Variants in PLAT observed in about 807,000 individuals in gnomAD.
PLAT encodes tissue-type plasminogen activator.
PLAT carries 48 observed loss-of-function variants against 74.9 expected under a neutral mutation model. The ratio of observed to expected loss-of-function variants is 0.64; its 90% CI spans 0.51 to 0.82. The LOEUF is 0.82. Ranked by LOEUF, PLAT falls within the 40% of genes least tolerant of loss-of-function variation. PLAT has a pLI of 0.00. For synonymous variants in PLAT, 307 were observed against 294.4 expected (o/e 1.04, Z -0.44); for missense variants, 673 against 736.2 (o/e 0.91, Z 0.99).
chr8:42,188,790 T>C, intron 4 of PLAT, 144 bp downstream of exon 4: 2 of 688,528 alleles, frequency 2.9e-6, no homozygotes, highest in Non-Finnish European at 5.0e-6. Flanking sequence ...GTCTGGCTAA[T>C]TTTTTTATTT....
At chr8:42,204,274 G>A (rs1437592423) in intron 1 of PLAT, among the ~76,000 whole-genome samples, 1 of 151,916 alleles carries the variant, frequency 6.6e-6, no homozygotes, top group Non-Finnish European at 1.5e-5. Flanking sequence ...TGACACTATA[G>A]ACAGACATTT....
intron 13 of PLAT, among the ~76,000 whole-genome samples, chr8:42,177,701 C>CT (rs1177176378): frequency 3.3e-5 from 5 of 152,184 alleles, no homozygotes; most frequent in Admixed American, 3.3e-4. Flanking sequence ...TTGCTTTTAA[C>CT]TAAGCTTGCA....
At chr8:42,199,206 A>G (rs1361897743) in intron 1 of PLAT, among the ~76,000 whole-genome samples, 2 of 152,194 alleles carry the variant, frequency 1.3e-5, no homozygotes, top group African/African-American at 2.4e-5. Context: ...CTATAGGCTA[A>G]ATGGTTATTT....
chr8:42,193,914 C>T (rs1805785780), intron 1 of PLAT, among the ~76,000 whole-genome samples: 1 of 151,874 alleles, frequency 6.6e-6, no homozygotes, highest in South Asian at 2.1e-4. Context: ...CGGGGTTTCA[C>T]CGTGTTAGCC....
At chr8:42,181,428 C>G (rs925173923) in intron 9 of PLAT, among the ~76,000 whole-genome samples, 6 of 152,174 alleles carry the variant, frequency 3.9e-5, no homozygotes, top group African/African-American at 1.4e-4. Context: ...GAAGTACATG[C>G]CATTGGGGTC....
intron 1 of PLAT, among the ~76,000 whole-genome samples, chr8:42,197,841 A>G (rs967025853): frequency 2.0e-5 from 3 of 152,200 alleles, no homozygotes; most frequent in African/African-American, 7.2e-5. Flanking sequence ...TCCTTCCAAA[A>G]AGCATCTATA....
chr8:42,186,602 G>A (rs1305206678), intron 6 of PLAT: 1 of 152,204 alleles, frequency 6.6e-6, no homozygotes, highest in Non-Finnish European at 1.5e-5. Flanking sequence ...GACCTCCTGA[G>A]GCTGTGTCAC....
At position 42,176,182 on chromosome 8, in the gene PLAT, C is replaced by CA. The variant is rs764502174; in HGVS notation, c.1531-32dup. The CA allele has an allele frequency of 1.0e-5, 16 of 1,574,090 alleles. 1 individual carries two copies. The South Asian group carries it at 1.0e-4, about 10-fold the overall frequency. ...AAGGAGATAGCAGGTTTGGCGTTTG[C>CA]AAAAAAAGCAGACTATCTGGAGAAA... On this transcript the variant is annotated intron_variant, in intron 13 of 13. Transcript: ENST00000220809.
chr8:42,187,028 A>ATCTC, intron 6 of PLAT: 1 of 176,434 alleles, frequency 5.7e-6, no homozygotes, highest in East Asian at 1.5e-4. Flanking sequence ...CCTATCATCT[A>ATCTC]TCATCTATCC....
Position 42,182,750 on chromosome 8 carries a change from C to G in PLAT, c.772G>C (p.Ala258Pro). 1 of 1,611,874 alleles carries G rather than the reference C, an allele frequency of 6.2e-7. No homozygotes were observed. The highest frequency in any genetic ancestry group is 8.5e-7 in the Non-Finnish European group (1 of 1,179,228). ...TAATTATGTTTGCCCAGGCCCAGTGCCTGGGCACTGGGGTTCTGTGCTGTG... is the reference window on the plus strand; with the variant it reads ...TAATTATGTTTGCCCAGGCCCAGTGGCTGGGCACTGGGGTTCTGTGCTGTG... ...VYTAQNPSAQ[A>P]LGLGKHNYCR... The change falls in exon 8 of 14, where the codon GCA becomes CCA. Residue 258 changes from alanine to proline, a missense_variant. By Grantham distance (27) the Ala-to-Pro change is conservative (BLOSUM62 -1). Transcript: ENST00000220809.
chr8:42,176,225 G>T, intron 13 of PLAT, 74 bp from the exon 14 acceptor site: 1 of 1,090,964 alleles, frequency 9.2e-7, no homozygotes, highest in Non-Finnish European at 1.3e-6. Context: ...TGTGTAGCAT[G>T]AACATCGTAA....
At chr8:42,179,699 T>C (rs2129698543) in intron 12 of PLAT, among the ~76,000 whole-genome samples, 1 of 152,298 alleles carries the variant, frequency 6.6e-6, no homozygotes, top group South Asian at 2.1e-4. Flanking sequence ...TCCCAACACC[T>C]GCAGCACTTC....
intron 5 of PLAT, 117 bp from the exon 6 acceptor site, chr8:42,187,689 C>A: frequency 1.9e-6 from 2 of 1,057,858 alleles, no homozygotes; most frequent in South Asian, 3.2e-5. Flanking sequence ...GCTCGGAAGC[C>A]ACAGGCTGGG....
chr8:42,175,947 GA>G lies in PLAT; in HGVS notation c.*45del. On this transcript the variant is annotated 3_prime_UTR_variant, in exon 14 of 14. Transcript: ENST00000220809. ...CGCCTTTGCAGTGTCTTCTGAAGAA[GA>G]AGAGGCGGGATCTCATTTGCTTTTG... 1.2e-6 allele frequency: 2 copies of G among 1,601,250 alleles called. No individual in the cohort carries two copies. Among genetic ancestry groups the G allele is most frequent in the Non-Finnish European group, 1.7e-6 (2 of 1,170,200 alleles).
At chr8:42,195,021 G>A (rs887587501) in intron 1 of PLAT, among the ~76,000 whole-genome samples, 1 of 152,098 alleles carries the variant, frequency 6.6e-6, no homozygotes, top group African/African-American at 2.4e-5. Flanking sequence ...TGGTCTGGCG[G>A]CCTGTTCCCT....
intron 1 of PLAT, among the ~76,000 whole-genome samples, chr8:42,198,065 G>A (rs961410277): frequency 6.6e-6 from 1 of 152,220 alleles, no homozygotes; most frequent in Non-Finnish European, 1.5e-5. Context: ...ACATGAGGTG[G>A]TTCACGCCTG....
intron 1 of PLAT, among the ~76,000 whole-genome samples, chr8:42,200,355 A>C (rs910671064): frequency 1.3e-5 from 2 of 152,014 alleles, no homozygotes; most frequent in African/African-American, 2.4e-5. Flanking sequence ...CCTCGGCAAC[A>C]TAGGGAGACC....
chr8:42,185,394 G>A, intron 6 of PLAT: 2 of 373,266 alleles, frequency 5.4e-6, no homozygotes, highest in Non-Finnish European at 9.6e-6. Context: ...TTCCCGAGTA[G>A]CTGGGATTAC....
chr8:42,183,129 G>A (rs1175929333), intron 7 of PLAT, among the ~76,000 whole-genome samples: 10 of 152,070 alleles, frequency 6.6e-5, no homozygotes, highest in African/African-American at 9.7e-5. Context: ...TCAGCCTCCC[G>A]AGTAGGTGGG....
Sources: gnomAD v4.1 joint callset for allele counts (sites outside exome capture counted in the v4.1 genomes callset) on GRCh38, gnomAD v4.1.1 for gene constraint, MANE v1.5 for transcripts, NCBI Gene and HGNC (gene_info 2026-07-23, HGNC 2026-07-21) for gene names.